Variants in CCR6 observed in about 807,000 individuals in gnomAD.
CCR6 encodes C-C motif chemokine receptor 6.
In CCR6, 2 loss-of-function variants were observed where a neutral mutation model predicts 3.0. The observed-to-expected ratio is 0.66, with a 90% CI of 0.27 to 2.07. The LOEUF is 2.07. Ranked by LOEUF, CCR6 falls within the 30% of genes most tolerant of loss-of-function variation. CCR6 has a pLI of 0.14. For synonymous variants in CCR6, 193 were observed against 184.3 expected (o/e 1.05, Z -0.38); for missense variants, 322 against 462.8 (o/e 0.70, Z 2.79).
At chr6:167,119,243 A>G (rs3093025), upstream of CCR6, 92,607 of 152,378 alleles carry the variant, frequency 0.61, 28,409 homozygotes, top group African/African-American at 0.69. Flanking sequence ...AAGAGCCTGA[A>G]GTCCAGGATG....
intron 1 of CCR6, among the ~76,000 whole-genome samples, chr6:167,126,817 T>C (rs1781675438): frequency 6.6e-6 from 1 of 152,118 alleles, no homozygotes; most frequent in African/African-American, 2.4e-5. Context: ...AGTGAGTGAG[T>C]TCTCACGGGA....
At chr6:167,126,774 T>C (rs1004287127) in intron 1 of CCR6, 1 of 152,226 alleles carries the variant, frequency 6.6e-6, no homozygotes, top group Non-Finnish European at 1.5e-5. Context: ...GTGGAGATAA[T>C]TGAATCATGG....
intron 1 of CCR6, chr6:167,135,203 TTC>T (rs1255543547): frequency 6.6e-6 from 1 of 152,222 alleles, no homozygotes; most frequent in Non-Finnish European, 1.5e-5. Context: ...GAGATGGCGG[TTC>T]TCTGTCAATC....
chr6:167,128,074 C>T (rs1562558602), intron 1 of CCR6, among the ~76,000 whole-genome samples: 1 of 152,244 alleles, frequency 6.6e-6, no homozygotes, highest in African/African-American at 2.4e-5. Context: ...ATCTTTTCTT[C>T]TCCCGTCTCC....
intron 1 of CCR6, among the ~76,000 whole-genome samples, chr6:167,133,928 GTGTGTATATA>G (rs1463059198): frequency 9.9e-5 from 4 of 40,544 alleles, no homozygotes; most frequent in African/African-American, 4.9e-4. Context: ...TATGATATAT[GTGTGTATATA>G]TATATATATA....
intron 1 of CCR6, among the ~76,000 whole-genome samples, chr6:167,135,233 C>T (rs1342187483): frequency 6.6e-6 from 1 of 152,248 alleles, no homozygotes; most frequent in Non-Finnish European, 1.5e-5. Flanking sequence ...CATAGCCTCA[C>T]CATTCTCCAA....
In CCR6 at chr6:167,139,048, T is replaced by C. The variant is rs913247856; in HGVS notation, c.*1693T>C. On this transcript the variant is annotated 3_prime_UTR_variant, in exon 3 of 3. Transcript: ENST00000341935. ...CTTGTAAGCTTTAACTATATCTCTC[T>C]TTAAAATGCAAAATAATGTCTTAAG... is the stretch of plus-strand genomic sequence containing the variant. The C allele has an allele frequency of 6.6e-6, 1 of 152,356 alleles. No individual in the cohort carries two copies. Among genetic ancestry groups the C allele is most frequent in the Non-Finnish European group, 1.5e-5 (1 of 68,030 alleles). The allele number at this position is 152,356 out of a possible 1,614,324, so 9.4% of individuals were successfully genotyped here.
At chr6:167,125,150 T>C (rs1405752900) in intron 1 of CCR6, among the ~76,000 whole-genome samples, 1 of 152,208 alleles carries the variant, frequency 6.6e-6, no homozygotes, top group Admixed American at 6.5e-5. Context: ...ATTTAGTTCT[T>C]GCTCCTTGTT....
chr6:167,121,168 C>T (rs1453683793), upstream of CCR6, among the ~76,000 whole-genome samples: 7 of 152,344 alleles, frequency 4.6e-5, no homozygotes, highest in South Asian at 1.0e-3. Context: ...TGCAGTCTAA[C>T]AGAAGGGGCC....
intron 1 of CCR6, among the ~76,000 whole-genome samples, chr6:167,129,934 T>C (rs1317165904): frequency 6.6e-6 from 1 of 151,772 alleles, no homozygotes; most frequent in Non-Finnish European, 1.5e-5. Flanking sequence ...AAATGACATT[T>C]CTAAAGTGTG....
In CCR6 at chr6:167,136,204, A is replaced by G. The variant is rs1468027556; in HGVS notation, c.10-36A>G. 1.2e-6 allele frequency: 2 copies of G among 1,610,762 alleles called. No homozygotes were observed. The highest frequency in any genetic ancestry group is 1.7e-6 in the Non-Finnish European group (2 of 1,178,094). ...GGTTCACTGTGGCTACTTGAACACT[A>G]CACTGCAGCTAACTCTATCTTTGTT... On this transcript the variant is annotated intron_variant, in intron 2 of 2. Transcript: ENST00000341935. This position sits in a 1 kb window ranked among gnomAD's most constrained non-coding sequence, Gnocchi z 4.6.
intron 1 of CCR6, among the ~76,000 whole-genome samples, chr6:167,114,010 C>G (rs1313755027): frequency 6.6e-6 from 1 of 152,188 alleles, no homozygotes; most frequent in African/African-American, 2.4e-5. Context: ...GAGCAGAGAT[C>G]GTTAGGGCAG....
At chr6:167,132,390 A>C (rs1346395134) in intron 1 of CCR6, among the ~76,000 whole-genome samples, 1 of 152,154 alleles carries the variant, frequency 6.6e-6, no homozygotes, top group Non-Finnish European at 1.5e-5. Context: ...AAAGGACCCC[A>C]CTGTCTCCTT....
chr6:167,113,606 C>T (rs982579251), intron 1 of CCR6, among the ~76,000 whole-genome samples: 2 of 152,170 alleles, frequency 1.3e-5, no homozygotes, highest in African/African-American at 2.4e-5. Context: ...CAGGGTTGGA[C>T]GACGCCCAGC....
rs35977074 is a variant in CCR6 at position 167,138,928 on chromosome 6, CAAAAAAAAAAAA to C, written c.*1583_*1594del. Reference sequence around the variant, plus strand: ...TGGGTGACAAAGCGAGACTCCATCTCAAAAAAAAAAAAAAAAAAAAAGGAAAGAACTGTCATG... The same window carrying C: ...TGGGTGACAAAGCGAGACTCCATCTCAAAAAAAAAGGAAAGAACTGTCATG... On this transcript the variant is annotated 3_prime_UTR_variant, in exon 3 of 3. Coordinates refer to ENST00000341935, the MANE Select transcript of CCR6 (RefSeq NM_031409.4). 2.7e-5 allele frequency: 2 copies of C among 74,854 alleles called. No homozygotes were observed. Among genetic ancestry groups the C allele is most frequent in the Non-Finnish European group, 2.3e-5 (1 of 44,046 alleles). 4.6% of individuals were successfully genotyped at this position (74,854 alleles called of 1,614,324 possible).
chr6:167,137,086 C>G lies in CCR6; in HGVS notation c.856C>G (p.Arg286Gly). The change falls in exon 3 of 3, where the codon CGA (arginine) becomes GGA (glycine). Residue 286 changes from arginine to glycine, a missense_variant. Physicochemically the swap from Arg to Gly is moderately radical, Grantham distance 125. Transcript: ENST00000341935. This position sits in a 1 kb window ranked among gnomAD's most constrained non-coding sequence, Gnocchi z 4.6. ...GGCTGCAAATTTGGGTAAAATGAAC[C>G]GATCCTGCCAGAGCGAAAAGCTAAT... ...VTAANLGKMN[R>G]SCQSEKLIGY... 5 of 1,614,114 alleles carry G rather than the reference C, an allele frequency of 3.1e-6. No individual in the cohort carries two copies. The highest frequency in any genetic ancestry group is 4.2e-6 in the Non-Finnish European group (5 of 1,180,024).
At chr6:167,134,745 C>T (rs79328438) in intron 1 of CCR6, among the ~76,000 whole-genome samples, 1 of 152,020 alleles carries the variant, frequency 6.6e-6, no homozygotes, top group African/African-American at 2.4e-5. Flanking sequence ...CCACGTGGTG[C>T]GAGAGCAGGG....
At position 167,137,303 on chromosome 6, in the gene CCR6, G is replaced by C; in HGVS notation, c.1073G>C (p.Arg358Pro). ...GGGAGGTACTCAGAAAACATTTCTCGGCAGACCAGTGAGACCGCAGATAAC... is the reference window on the plus strand; with the variant it reads ...GGGAGGTACTCAGAAAACATTTCTCCGCAGACCAGTGAGACCGCAGATAAC... ...CAGRYSENIS[R>P]QTSETADNDN... is the part of the protein sequence containing the mutation. Residue 358 changes from arginine to proline, a missense_variant, in exon 3 of 3, where the codon CGG becomes CCG. Coordinates refer to ENST00000341935, the MANE Select transcript of CCR6 (RefSeq NM_031409.4). This position sits in a 1 kb window ranked among gnomAD's most constrained non-coding sequence, Gnocchi z 4.6. The C allele has an allele frequency of 6.2e-7, 1 of 1,613,926 alleles. No individual in the cohort carries two copies. The highest frequency in any genetic ancestry group is 8.5e-7 in the Non-Finnish European group (1 of 1,180,006).
chr6:167,137,055 T>A lies in CCR6; in HGVS notation c.825T>A (p.Leu275=). Residue 275 remains leucine, a synonymous_variant, in exon 3 of 3, where the codon CTT becomes CTA. Coordinates refer to ENST00000341935, the MANE Select transcript of CCR6 (RefSeq NM_031409.4). This position sits in a 1 kb window ranked among gnomAD's most constrained non-coding sequence, Gnocchi z 4.6. The part of the protein sequence containing the change: ...ACQIPHNMVL[L]VTAANLGKMN... The stretch of plus-strand genomic sequence containing the variant: ...AGATTCCTCATAACATGGTCCTGCT[T>A]GTGACGGCTGCAAATTTGGGTAAAA... 6.2e-7 allele frequency: 1 copy of A among 1,614,188 alleles called. No individual in the cohort carries two copies. Among genetic ancestry groups the A allele is most frequent in the South Asian group, 1.1e-5 (1 of 91,074 alleles).
Sources: allele counts gnomAD v4.1 joint callset (sites outside exome capture counted in the v4.1 genomes callset), GRCh38; gene constraint gnomAD v4.1.1; non-coding constraint Gnocchi (gnomAD v3.1); transcripts MANE v1.5; gene names NCBI Gene and HGNC (gene_info 2026-07-23, HGNC 2026-07-21).